Variants in TULP4 observed in about 807,000 individuals in gnomAD.
The protein encoded by TULP4 is TUB like protein 4.
In TULP4, 16 loss-of-function variants were observed where a neutral mutation model predicts 129.0. The ratio of observed to expected loss-of-function variants is 0.12; its 90% confidence interval spans 0.08 to 0.19. The LOEUF is 0.19. Ranked by LOEUF, TULP4 falls within the 10% of genes least tolerant of loss-of-function variation. The probability of loss-of-function intolerance (pLI) is 1.00; values close to 1 mark genes in which losing one functional copy is unlikely to be tolerated. For missense variants in TULP4, 1,842 were observed against 2,059.1 expected (o/e 0.89, Z 2.04); for synonymous variants, 998 against 854.0 (o/e 1.17, Z -2.94).
At chr6:158,329,463 A>G (rs1779824948) in intron 1 of TULP4, among the ~76,000 whole-genome samples, 1 of 46,234 alleles carries the variant, frequency 2.2e-5, no homozygotes, top group African/African-American at 6.2e-5. Flanking sequence ...GAACCTTAAC[A>G]TTAAAAAAAA....
chr6:158,509,464 A>C lies in TULP4; in HGVS notation c.*2770A>C, dbSNP rs918717770. 1 of 152,190 alleles carries C rather than the reference A, an allele frequency of 6.6e-6. No homozygotes were observed. The allele number at this position is 152,190 out of a possible 1,614,324, so 9.4% of individuals were successfully genotyped here. A position where few individuals can be genotyped will look rare whatever the true frequency, so the allele number is the denominator to read the frequency against. Reference sequence around the variant, plus strand: ...TAATAAGCTTCACTTTTTGTGTTCTAATTGTTTTTGAGATATAAAGACCCT... The same window carrying C: ...TAATAAGCTTCACTTTTTGTGTTCTCATTGTTTTTGAGATATAAAGACCCT... On this transcript the variant is annotated 3_prime_UTR_variant, in exon 14 of 14. Transcript: ENST00000367097.
chr6:158,400,953 T>C (rs1033689445), intron 1 of TULP4, among the ~76,000 whole-genome samples: 4 of 152,196 alleles, frequency 2.6e-5, no homozygotes, highest in African/African-American at 4.8e-5. Context: ...CTAGGCTATG[T>C]ACTCAAGTAA....
intron 1 of TULP4, among the ~76,000 whole-genome samples, chr6:158,361,689 A>G (rs1232498472): frequency 2.0e-5 from 3 of 152,226 alleles, no homozygotes; most frequent in East Asian, 1.9e-4. Flanking sequence ...AAAGACCTGA[A>G]CTATACAGAA....
intron 1 of TULP4, among the ~76,000 whole-genome samples, chr6:158,390,126 T>G (rs1777551052): frequency 6.6e-6 from 1 of 151,802 alleles, no homozygotes; most frequent in African/African-American, 2.4e-5. Flanking sequence ...AGTGAGAAAG[T>G]CAAAGGATAA....
intron 6 of TULP4, among the ~76,000 whole-genome samples, chr6:158,462,385 CTT>C (rs61200391): frequency 4.1e-4 from 55 of 134,552 alleles, no homozygotes; most frequent in East Asian, 6.4e-4. Flanking sequence ...TTTTTTCTTT[CTT>C]TTTTTTTTTT....
intron 6 of TULP4, among the ~76,000 whole-genome samples, chr6:158,469,804 A>T (rs1490906138): frequency 6.6e-6 from 1 of 151,788 alleles, no homozygotes. Context: ...GTGGAGTGAT[A>T]GCCTTCATTT....
At chr6:158,358,362 C>T (rs527774068) in intron 1 of TULP4, among the ~76,000 whole-genome samples, 5 of 152,338 alleles carry the variant, frequency 3.3e-5, no homozygotes, top group African/African-American at 1.2e-4. Flanking sequence ...TCTCACCCTA[C>T]TGAGGTATTT....
chr6:158,472,573 T>C (rs1175189318), intron 6 of TULP4, among the ~76,000 whole-genome samples: 1 of 152,202 alleles, frequency 6.6e-6, no homozygotes, highest in East Asian at 1.9e-4. Flanking sequence ...ACATGTGATC[T>C]ATGCTGTGCT....
rs1780522248 is a variant in TULP4, at chr6:158,503,521, G to A, written c.3858G>A (p.Val1286=). The change falls in exon 13 of 14, where the codon GTG becomes GTA. Residue 1286 remains valine (V), a synonymous_variant. Transcript: ENST00000367097. The surrounding 1 kb of genome is among the most constrained non-coding windows in gnomAD (Gnocchi z 4.3). ...QGTLPPKPHL[V]VEKPLVSPPP... The stretch of plus-strand genomic sequence containing the variant: ...CTCTCCCCCCAAAGCCACACTTGGT[G>A]GTGGAGAAGCCCCTTGTGTCCCCAC... The A allele has an allele frequency of 6.2e-7, 1 of 1,613,966 alleles. No individual in the cohort carries two copies. The highest frequency in any genetic ancestry group is 8.5e-7 in the Non-Finnish European group (1 of 1,180,030).
intron 7 of TULP4, 52 bp from the exon 8 acceptor site, chr6:158,481,003 C>A: frequency 6.7e-7 from 1 of 1,497,650 alleles, no homozygotes; most frequent in Non-Finnish European, 9.0e-7. Flanking sequence ...CTTTCCCTCT[C>A]TCTCTGCCTC....
At chr6:158,364,835 G>C (rs556078096) in intron 1 of TULP4, among the ~76,000 whole-genome samples, 16 of 152,108 alleles carry the variant, frequency 1.1e-4, no homozygotes, top group Middle Eastern at 3.4e-3. Flanking sequence ...CTCCCAGGTT[G>C]ACGCCATTCT....
intron 1 of TULP4, among the ~76,000 whole-genome samples, chr6:158,324,699 C>T (rs1228620327): frequency 6.6e-6 from 1 of 152,116 alleles, no homozygotes; most frequent in Non-Finnish European, 1.5e-5. Flanking sequence ...TTTAGTGTAG[C>T]CCTCATAACA....
intron 1 of TULP4, among the ~76,000 whole-genome samples, chr6:158,345,608 A>G (rs927329861): frequency 1.3e-5 from 2 of 152,264 alleles, no homozygotes; most frequent in Admixed American, 1.3e-4. Flanking sequence ...AAGAACAGGG[A>G]GTAGGTCACA....
At chr6:158,398,468 C>T (rs1272810139) in intron 1 of TULP4, 1 of 152,240 alleles carries the variant, frequency 6.6e-6, no homozygotes, top group Admixed American at 6.5e-5. Flanking sequence ...GTTCACTACC[C>T]TTAAGGAGTG....
chr6:158,281,306 T>C (rs1022205456), upstream of TULP4, among the ~76,000 whole-genome samples: 23 of 151,814 alleles, frequency 1.5e-4, no homozygotes, highest in Non-Finnish European at 3.4e-4. Flanking sequence ...CTCCGCCTCC[T>C]GGGTTCAAGC....
chr6:158,383,250 C>A (rs1288240071), intron 1 of TULP4, among the ~76,000 whole-genome samples: 1 of 152,186 alleles, frequency 6.6e-6, no homozygotes, highest in Non-Finnish European at 1.5e-5. Flanking sequence ...TCACAAAGCT[C>A]CACCTGCCCA....
chr6:158,389,955 A>G (rs1261543643), intron 1 of TULP4, among the ~76,000 whole-genome samples: 1 of 151,954 alleles, frequency 6.6e-6, no homozygotes, highest in Non-Finnish European at 1.5e-5. Context: ...TACTAAAAAT[A>G]TAAAAGTTAG....
intron 1 of TULP4, among the ~76,000 whole-genome samples, chr6:158,234,947 C>A (rs952379521): frequency 6.6e-6 from 1 of 152,046 alleles, no homozygotes; most frequent in Non-Finnish European, 1.5e-5. Context: ...CAGATGGATC[C>A]CTTTAGGCCA....
intron 2 of TULP4, among the ~76,000 whole-genome samples, chr6:158,423,635 TG>T (rs1480486533): frequency 0.017 from 774 of 45,342 alleles, 7 homozygotes; most frequent in African/African-American, 0.13. Context: ...TTTTGTTTTT[TG>T]TTGTTGTTGT....
Sources: gnomAD v4.1 joint callset for allele counts (sites outside exome capture counted in the v4.1 genomes callset) on GRCh38, gnomAD v4.1.1 for gene constraint, Gnocchi (gnomAD v3.1) non-coding constraint, MANE v1.5 for transcripts, NCBI Gene and HGNC (gene_info 2026-07-23, HGNC 2026-07-21) for gene names.